Variants in TNNI3K observed in about 807,000 individuals in gnomAD.
The protein encoded by TNNI3K is TNNI3 interacting kinase, also known as serine/threonine-protein kinase TNNI3K.
In TNNI3K, 140 loss-of-function variants were observed where a neutral mutation model predicts 114.5. The ratio of observed to expected loss-of-function variants is 1.22; its 90% CI spans 1.07 to 1.41. The LOEUF is 1.41. Among genes scored for constraint, TNNI3K ranks in the 40% most tolerant of loss-of-function variants. The pLI is 0.00. For missense variants in TNNI3K, 1,125 were observed against 1,007.6 expected, an observed-to-expected ratio of 1.12 and a Z score of -1.58; for synonymous variants, 347 against 347.5, an observed-to-expected ratio of 1.00 and a Z score of 0.02.
At chr1:74,244,333 C>A (rs749039977) in intron 2 of TNNI3K, among the ~76,000 whole-genome samples, 2 of 152,056 alleles carry the variant, frequency 1.3e-5, no homozygotes, top group South Asian at 2.1e-4. Flanking sequence ...CAACAAGCAG[C>A]GGCTCAGTTT....
intron 7 of TNNI3K, among the ~76,000 whole-genome samples, chr1:74,340,500 A>G (rs1418839180): frequency 6.6e-6 from 1 of 152,108 alleles, no homozygotes; most frequent in African/African-American, 2.4e-5. Flanking sequence ...CATAAATTCT[A>G]TGTCTGATTC....
intron 23 of TNNI3K, among the ~76,000 whole-genome samples, chr1:74,515,253 A>T (rs1646332999): frequency 6.6e-6 from 1 of 152,226 alleles, no homozygotes; most frequent in Non-Finnish European, 1.5e-5. Flanking sequence ...CATAGAGCTT[A>T]GGAAGAAAAC....
At chr1:74,494,366 A>G (rs17605984) in intron 23 of TNNI3K, among the ~76,000 whole-genome samples, 3,168 of 152,296 alleles carry the variant, frequency 0.021, 52 homozygotes, top group Admixed American at 0.037. Flanking sequence ...CTATGAAGAG[A>G]TGGGACTCTG....
chr1:74,477,940 CTT>C (rs1420066965), intron 21 of TNNI3K, among the ~76,000 whole-genome samples: 1 of 152,104 alleles, frequency 6.6e-6, no homozygotes, highest in Admixed American at 6.6e-5. Context: ...TTCATAAAAA[CTT>C]TTTATCTACC....
chr1:74,379,141 G>A (rs1663070792), intron 17 of TNNI3K, among the ~76,000 whole-genome samples: 1 of 151,826 alleles, frequency 6.6e-6, no homozygotes, highest in Non-Finnish European at 1.5e-5. Context: ...TGGGAGTGTG[G>A]CAACATATGT....
At position 74,343,138 on chromosome 1, in the gene TNNI3K, TCTGA is replaced by T; in HGVS notation, c.894_897del (p.Thr299ArgfsTer22). The T allele has an allele frequency of 1.2e-6, 2 of 1,613,340 alleles. No homozygotes were observed. The highest frequency in any genetic ancestry group is 1.7e-4 in the Middle Eastern group (1 of 6,056). ...TCATCCAAATATCAGGAACAGAAAG[TCTGA>T]CTAAGGAAAACATCTTCAGTGAAAC... is the stretch of plus-strand genomic sequence containing the variant. On this transcript the variant is annotated frameshift_variant, in exon 9 of 25. Transcript: ENST00000326637. LOFTEE classifies it high-confidence loss of function.
chr1:74,440,569 G>A (rs1172575530), intron 20 of TNNI3K, among the ~76,000 whole-genome samples: 1 of 151,510 alleles, frequency 6.6e-6, no homozygotes, highest in Non-Finnish European at 1.5e-5. Context: ...ACTCTATTTT[G>A]GAGTTTTTTT....
At chr1:74,446,634 G>C (rs1666699591) in intron 20 of TNNI3K, among the ~76,000 whole-genome samples, 1 of 150,444 alleles carries the variant, frequency 6.6e-6, no homozygotes, top group Non-Finnish European at 1.5e-5. Flanking sequence ...GTCCTGAATG[G>C]TAATGCCAAG....
At chr1:74,481,018 G>T (rs191350561) in intron 21 of TNNI3K, 1 of 659,934 alleles carries the variant, frequency 1.5e-6, no homozygotes, top group African/African-American at 1.8e-5. Flanking sequence ...TGAGTGGGAG[G>T]GAGGGGGTAT....
At chr1:74,237,510 A>G (rs1202187635) in intron 2 of TNNI3K, among the ~76,000 whole-genome samples, 1 of 151,994 alleles carries the variant, frequency 6.6e-6, no homozygotes, top group Non-Finnish European at 1.5e-5. Flanking sequence ...GTTATTTAGT[A>G]TTATTTTTTA....
chr1:74,349,442 T>TG (rs1345059139), intron 9 of TNNI3K, among the ~76,000 whole-genome samples: 1 of 152,192 alleles, frequency 6.6e-6, no homozygotes, highest in Non-Finnish European at 1.5e-5. Flanking sequence ...CTTTTTTTGT[T>TG]GTGTCTCTGC....
chr1:74,358,127 G>A (rs1661759553), intron 11 of TNNI3K, among the ~76,000 whole-genome samples: 2 of 152,236 alleles, frequency 1.3e-5, no homozygotes, highest in African/African-American at 2.4e-5. Flanking sequence ...ACTCCTATAT[G>A]TCAGGCTGTT....
At chr1:74,495,786 A>G (rs1195270626) in intron 23 of TNNI3K, among the ~76,000 whole-genome samples, 2 of 152,140 alleles carry the variant, frequency 1.3e-5, no homozygotes, top group Non-Finnish European at 2.9e-5. Flanking sequence ...GAAGCTTGAA[A>G]TATTTTGCCA....
At chr1:74,392,009 A>G (rs1234575737) in intron 17 of TNNI3K, among the ~76,000 whole-genome samples, 1 of 121,148 alleles carries the variant, frequency 8.3e-6, no homozygotes, top group African/African-American at 3.3e-5. Context: ...TCTGTCGCCC[A>G]GGCTGGAGTG....
intron 23 of TNNI3K, among the ~76,000 whole-genome samples, chr1:74,492,826 A>G (rs1669146562): frequency 6.6e-6 from 1 of 152,228 alleles, no homozygotes; most frequent in South Asian, 2.1e-4. Flanking sequence ...AATACCATAT[A>G]CTGGGTACAT....
chr1:74,331,441 CTTG>C lies in TNNI3K; in HGVS notation c.445-7_445-5del. On this transcript the variant is annotated splice_region_variant and splice_polypyrimidine_tract_variant and intron_variant, in intron 5 of 24. Transcript: ENST00000326637. Reference sequence around the variant, plus strand: ...TGAAGTTCTTAACCATAATCATTTTCTTGTCCAGGCTGCTGATGTGCTGTTGCA... The same window carrying C: ...TGAAGTTCTTAACCATAATCATTTTCTCCAGGCTGCTGATGTGCTGTTGCA... 6.2e-7 allele frequency: 1 copy of C among 1,611,190 alleles called. No individual in the cohort carries two copies.
intron 20 of TNNI3K, among the ~76,000 whole-genome samples, chr1:74,461,104 C>T (rs1667435521): frequency 1.3e-5 from 2 of 152,146 alleles, no homozygotes; most frequent in South Asian, 4.1e-4. Context: ...CATAAGGTAA[C>T]AAAGTGGAGT....
intron 4 of TNNI3K, among the ~76,000 whole-genome samples, chr1:74,252,577 C>A (rs1166850693): frequency 6.6e-6 from 1 of 152,142 alleles, no homozygotes; most frequent in East Asian, 1.9e-4. Flanking sequence ...TTAAAGGCGG[C>A]ATGTCCAGAG....
intron 21 of TNNI3K, chr1:74,481,035 G>T: frequency 3.1e-6 from 2 of 635,446 alleles, no homozygotes; most frequent in Non-Finnish European, 5.8e-6. Flanking sequence ...GTATGGTGGA[G>T]AGCAGAGAAT....
Sources: gnomAD v4.1 joint callset for allele counts (sites outside exome capture counted in the v4.1 genomes callset) on GRCh38, gnomAD v4.1.1 for gene constraint, MANE v1.5 for transcripts, NCBI Gene and HGNC (gene_info 2026-07-23, HGNC 2026-07-21) for gene names.